NEO1: variants seen among roughly 807,000 people sequenced by gnomAD.
The protein encoded by NEO1 is neogenin 1.
Under a neutral mutation model 159.7 loss-of-function variants are expected in NEO1, and 63 were observed. The ratio of observed to expected loss-of-function variants is 0.39; its 90% CI spans 0.32 to 0.49. The LOEUF (loss-of-function observed/expected upper bound fraction) is 0.49, where lower values mean the gene tolerates loss of function less well. Among genes scored for constraint, NEO1 ranks in the 20% least tolerant of loss-of-function variants. The pLI is 0.85. For synonymous variants in NEO1, 633 were observed against 662.0 expected (o/e 0.96, Z 0.67); for missense variants, 1,615 against 1,831.0 (o/e 0.88, Z 2.15).
rs771256568 is a variant in NEO1 at position 73,282,973 on chromosome 15, G to A, written c.3272G>A (p.Ser1091Asn). 1.6e-5 allele frequency: 26 copies of A among 1,613,850 alleles called. No individual in the cohort carries two copies. The African/African-American group carries it at 2.7e-4, about 17-fold the overall frequency. ...DYKPPMSGSN[S>N]PHGSPTSPLD... Reference sequence around the variant, plus strand: ...ATTTCTCTCTCTGCAGGCAGTAACAGCCCTCATGGGAGCCCCACCTCTCCT... The same window carrying A: ...ATTTCTCTCTCTGCAGGCAGTAACAACCCTCATGGGAGCCCCACCTCTCCT... Residue 1091 changes from serine (S) to asparagine (N), a missense_variant, in exon 23 of 29, where the codon AGC (serine) becomes AAC (asparagine). Ser to Asn is a conservative substitution (Grantham distance 46, BLOSUM62 1). Coordinates refer to ENST00000261908, the MANE Select transcript of NEO1 (RefSeq NM_002499.4).
At chr15:73,098,703 A>G (rs2070229233) in intron 1 of NEO1, among the ~76,000 whole-genome samples, 1 of 152,222 alleles carries the variant, frequency 6.6e-6, no homozygotes, top group Non-Finnish European at 1.5e-5. Context: ...GTAGTGGTAC[A>G]GTGAATAGCC....
At chr15:73,163,383 T>A (rs1167494862) in intron 5 of NEO1, among the ~76,000 whole-genome samples, 1 of 152,186 alleles carries the variant, frequency 6.6e-6, no homozygotes, top group African/African-American at 2.4e-5. Context: ...CCTTCCCCAT[T>A]CCCACCCCTT....
At chr15:73,257,855 C>G (rs1235386592) in intron 13 of NEO1, among the ~76,000 whole-genome samples, 3 of 152,178 alleles carry the variant, frequency 2.0e-5, no homozygotes, top group Non-Finnish European at 4.4e-5. Context: ...CGTCTGTCAA[C>G]AAACACTCTA....
chr15:73,063,842 G>A (rs1208450595), intron 1 of NEO1, among the ~76,000 whole-genome samples: 1 of 152,120 alleles, frequency 6.6e-6, no homozygotes, highest in African/African-American at 2.4e-5. Context: ...AGGAAGGAGG[G>A]TGGAGATAGT....
chr15:73,301,631 ACT>A, intron 28 of NEO1, 174 bp downstream of exon 28: 1 of 868,762 alleles, frequency 1.2e-6, no homozygotes, highest in East Asian at 2.7e-5. Flanking sequence ...TGAGCCGGGA[ACT>A]GTGCTGAGGA....
chr15:73,295,493 C>T (rs1441829420), intron 26 of NEO1, among the ~76,000 whole-genome samples: 1 of 151,498 alleles, frequency 6.6e-6, no homozygotes, highest in African/African-American at 2.4e-5. Flanking sequence ...GCAGCTCCTA[C>T]CCAGCCCTCT....
chr15:73,283,769 G>A (rs1181002051), intron 23 of NEO1, among the ~76,000 whole-genome samples: 2 of 152,172 alleles, frequency 1.3e-5, no homozygotes, highest in Non-Finnish European at 2.9e-5. Flanking sequence ...CAGTGAACCC[G>A]ATGCCCAGGA....
intron 8 of NEO1, among the ~76,000 whole-genome samples, chr15:73,238,577 TATAA>T (rs1436562613): frequency 2.0e-5 from 3 of 151,866 alleles, no homozygotes; most frequent in South Asian, 2.1e-4. Flanking sequence ...TTTTAAAATC[TATAA>T]ATATATTAGA....
chr15:73,165,429 C>T (rs1278521450), intron 5 of NEO1, among the ~76,000 whole-genome samples: 1 of 152,094 alleles, frequency 6.6e-6, no homozygotes, highest in Non-Finnish European at 1.5e-5. Flanking sequence ...ACAATACTGT[C>T]AGTTAACAGA....
In NEO1 at chr15:73,116,595, A is replaced by G. The variant is rs376177446; in HGVS notation, c.186A>G (p.Thr62=). 7 of 1,584,048 alleles carry G rather than the reference A, an allele frequency of 4.4e-6. No individual in the cohort carries two copies. Among genetic ancestry groups the G allele is most frequent in the South Asian group, 2.4e-5 (2 of 84,808 alleles). ...PFYFLVEPVD[T]LSVRGSSVIL... ...ATTTTCTGGTGGAGCCGGTGGATAC[A>G]CTCTCAGTTAGAGGCTCTTCTGTTA... Residue 62 remains threonine (T), a synonymous_variant, in exon 2 of 29, where the codon ACA becomes ACG. Transcript: ENST00000261908.
chr15:73,264,890 C>T (rs149644709), intron 15 of NEO1, among the ~76,000 whole-genome samples: 175 of 152,246 alleles, frequency 1.1e-3, no homozygotes, highest in African/African-American at 3.5e-3. Context: ...ATGAGACAGA[C>T]GTTCTCACAA....
At position 73,302,589 on chromosome 15, in the gene NEO1, G is replaced by A. The variant is rs746954127; in HGVS notation, c.4303-24G>A. ...TGAGCTGCTCCCTGGATCCAGCCCA[G>A]TAACAGTGTTTTCTTTTCCATAGAG... On this transcript the variant is annotated intron_variant, in intron 28 of 28. Coordinates refer to ENST00000261908, the MANE Select transcript of NEO1 (RefSeq NM_002499.4). 16 of 1,608,302 alleles carry A rather than the reference G, an allele frequency of 9.9e-6. No homozygotes were observed. The South Asian group carries it at 1.7e-4, about 17-fold the overall frequency.
chr15:73,158,508 C>T (rs1004375584), intron 5 of NEO1, among the ~76,000 whole-genome samples: 6 of 151,928 alleles, frequency 3.9e-5, no homozygotes, highest in African/African-American at 1.5e-4. Flanking sequence ...AGCAATCCTC[C>T]TGCTTCAGCC....
At chr15:73,250,172 T>TTATATATATATA (rs371296157) in intron 11 of NEO1, among the ~76,000 whole-genome samples, 9 of 151,162 alleles carry the variant, frequency 6.0e-5, no homozygotes, top group African/African-American at 1.9e-4. Context: ...CTAAATTAAG[T>TTATATATATATA]TATATATATA....
Position 73,116,736 on chromosome 15 carries a change from A to G in NEO1, c.327A>G (p.Leu109=), listed in dbSNP as rs1315082519. 7 of 1,613,912 alleles carry G rather than the reference A, an allele frequency of 4.3e-6. No homozygotes were observed. Among genetic ancestry groups the G allele is most frequent in the Non-Finnish European group, 5.9e-6 (7 of 1,179,946 alleles). Residue 109 remains leucine (L), a synonymous_variant, in exon 2 of 29, where the codon TTA becomes TTG. Coordinates refer to ENST00000261908, the MANE Select transcript of NEO1 (RefSeq NM_002499.4). ...GCCAGCTTCTCCCGGATGGATCTTT[A>G]TTTATCAGCAATGTGGTGCATTCCA... is the stretch of plus-strand genomic sequence containing the variant. ...DRRQLLPDGS[L]FISNVVHSKH...
rs370070811 is a variant in NEO1, at chr15:73,283,035, G to T, written c.3334G>T (p.Val1112Phe). Residue 1112 changes from valine to phenylalanine, a missense_variant, in exon 23 of 29, where the codon GTT becomes TTT. This residue lies in a region of NEO1 where 471 missense variants were observed against 498.9 expected (regional missense o/e 0.94). Transcript: ENST00000261908. ...TATGCTGCTGGTCATAATTGTTTCT[G>T]TTGGCGTCATCACCATCGTGGTGGT... The part of the protein sequence containing the change: ...SNMLLVIIVS[V>F]GVITIVVVVI... 1.9e-6 allele frequency: 3 copies of T among 1,614,182 alleles called. No individual in the cohort carries two copies. In the Admixed American group the frequency reaches 5.0e-5, roughly 27 times the overall value.
intron 5 of NEO1, among the ~76,000 whole-genome samples, chr15:73,146,095 C>T (rs1321574997): frequency 6.6e-6 from 1 of 152,204 alleles, no homozygotes; most frequent in Non-Finnish European, 1.5e-5. Flanking sequence ...ATTCCTATCC[C>T]TTGTACCCTT....
chr15:73,287,645 G>A (rs1333454040), intron 23 of NEO1, among the ~76,000 whole-genome samples: 2 of 152,206 alleles, frequency 1.3e-5, no homozygotes, highest in African/African-American at 4.8e-5. Flanking sequence ...ACTTTGGGAG[G>A]CCAAGGCGGC....
rs759379757 is a variant in NEO1, at chr15:73,273,949, G to A, written c.3104G>A (p.Arg1035Gln). The A allele has an allele frequency of 5.0e-6, 8 of 1,613,976 alleles. No homozygotes were observed. The highest frequency in any genetic ancestry group is 4.5e-5 in the East Asian group (2 of 44,876). The change falls in exon 20 of 29, where the codon CGG becomes CAG. Residue 1035 changes from arginine (R) to glutamine (Q), a missense_variant. Coordinates refer to ENST00000261908, the MANE Select transcript of NEO1 (RefSeq NM_002499.4). ...DTPYYFKIQARNSKGMGPMSE... is the reference protein window; with the variant it reads ...DTPYYFKIQAQNSKGMGPMSE... ...CCATACTACTTCAAAATCCAGGCACGGAACTCAAAGGGCATGGGACCCATG... is the reference window on the plus strand; with the variant it reads ...CCATACTACTTCAAAATCCAGGCACAGAACTCAAAGGGCATGGGACCCATG...
Sources: allele counts gnomAD v4.1 joint callset (sites outside exome capture counted in the v4.1 genomes callset), GRCh38; gene constraint gnomAD v4.1.1; regional missense constraint gnomAD v4.1.1; transcripts MANE v1.5; gene names NCBI Gene and HGNC (gene_info 2026-07-23, HGNC 2026-07-21).